The following CNTNAP2 variants were observed in gnomAD, a reference collection of about 807,000 sequenced individuals.
The protein encoded by CNTNAP2 is contactin-associated protein-like 2.
A neutral mutation model predicts 155.2 loss-of-function variants in CNTNAP2; 98 were observed. The ratio of observed to expected loss-of-function variants is 0.63; its 90% CI spans 0.54 to 0.75. The LOEUF is 0.75. Ranked by LOEUF, CNTNAP2 falls within the 30% of genes least tolerant of loss-of-function variation. The probability of loss-of-function intolerance (pLI) is 0.00; values close to 1 mark genes in which losing one functional copy is unlikely to be tolerated. For missense variants in CNTNAP2, 1,727 were observed against 1,688.1 expected, an observed-to-expected ratio of 1.02 and a Z score of -0.40; for synonymous variants, 651 against 631.2, an observed-to-expected ratio of 1.03 and a Z score of -0.47.
At chr7:147,339,359 A>T (rs955718548) in intron 9 of CNTNAP2, among the ~76,000 whole-genome samples, 1 of 152,110 alleles carries the variant, frequency 6.6e-6, no homozygotes, top group Non-Finnish European at 1.5e-5. Context: ...TTCCCATAAC[A>T]GTAGGTCATT....
At chr7:146,727,747 T>C (rs1801455806) in intron 1 of CNTNAP2, among the ~76,000 whole-genome samples, 1 of 152,176 alleles carries the variant, frequency 6.6e-6, no homozygotes, top group Non-Finnish European at 1.5e-5. Flanking sequence ...GAAGCGTATG[T>C]GTAATTGTTA....
At chr7:147,805,794 G>C (rs73166229) in intron 13 of CNTNAP2, among the ~76,000 whole-genome samples, 7,460 of 152,242 alleles carry the variant, frequency 0.049, 270 homozygotes, top group Non-Finnish European at 0.073. Flanking sequence ...CGGGATGACT[G>C]ATCTTTTTAA....
chr7:146,175,744 C>A (rs1402344295), intron 1 of CNTNAP2, among the ~76,000 whole-genome samples: 1 of 152,126 alleles, frequency 6.6e-6, no homozygotes, highest in African/African-American at 2.4e-5. Context: ...CATATGCACA[C>A]CCTTTAGTTC....
At chr7:147,537,218 T>G (rs1385553125) in intron 11 of CNTNAP2, among the ~76,000 whole-genome samples, 1 of 152,210 alleles carries the variant, frequency 6.6e-6, no homozygotes, top group African/African-American at 2.4e-5. Context: ...ACTTTCACAC[T>G]CTTTCCTAAT....
chr7:146,214,838 G>T (rs1481394581), intron 1 of CNTNAP2, among the ~76,000 whole-genome samples: 1 of 152,064 alleles, frequency 6.6e-6, no homozygotes, highest in Admixed American at 6.6e-5. Context: ...TAAGATAATT[G>T]ACTTATCTGC....
chr7:148,125,923 G>A (rs1337464505), intron 16 of CNTNAP2, among the ~76,000 whole-genome samples: 7 of 151,840 alleles, frequency 4.6e-5, no homozygotes, highest in East Asian at 1.9e-4. Flanking sequence ...GGCTGGTCTC[G>A]AACTCCTGAC....
chr7:147,738,856 T>C (rs1041019667), intron 13 of CNTNAP2, among the ~76,000 whole-genome samples: 2 of 152,080 alleles, frequency 1.3e-5, no homozygotes, highest in African/African-American at 4.8e-5. Flanking sequence ...GGTTTCGCCA[T>C]GATGGCCAGG....
chr7:146,617,020 T>TGTTTGTTG (rs374558648), intron 1 of CNTNAP2, among the ~76,000 whole-genome samples: 1 of 151,838 alleles, frequency 6.6e-6, no homozygotes, highest in African/African-American at 2.4e-5. Flanking sequence ...CTGGTTTTTT[T>TGTTTGTTG]GTTTGTTTGT....
At chr7:146,806,096 T>C (rs540863998) in intron 2 of CNTNAP2, among the ~76,000 whole-genome samples, 14 of 152,308 alleles carry the variant, frequency 9.2e-5, no homozygotes, top group Admixed American at 8.5e-4. Flanking sequence ...AAAGCTTTAA[T>C]GGTCATAGGT....
chr7:147,866,264 T>C (rs978634043), intron 13 of CNTNAP2, among the ~76,000 whole-genome samples: 1 of 138,402 alleles, frequency 7.2e-6, no homozygotes, highest in Non-Finnish European at 1.5e-5. Context: ...GAGTTCTAAA[T>C]TGATTGCACT....
At chr7:147,400,392 T>A (rs774061253) in intron 10 of CNTNAP2, among the ~76,000 whole-genome samples, 9 of 152,192 alleles carry the variant, frequency 5.9e-5, no homozygotes, top group Non-Finnish European at 1.3e-4. Context: ...TCAGAACTTG[T>A]GAATTGTTGT....
chr7:147,391,953 T>C (rs1168675683), intron 9 of CNTNAP2, among the ~76,000 whole-genome samples: 1 of 152,132 alleles, frequency 6.6e-6, no homozygotes, highest in Non-Finnish European at 1.5e-5. Flanking sequence ...TAGTTCTTCT[T>C]TAGCTTTTTC....
intron 1 of CNTNAP2, among the ~76,000 whole-genome samples, chr7:146,344,037 G>A (rs552754163): frequency 1.3e-5 from 2 of 152,174 alleles, no homozygotes; most frequent in East Asian, 3.9e-4. Context: ...AATGACTAAA[G>A]ATAAAAGAGG....
At chr7:146,786,710 G>A (rs1802580549) in intron 2 of CNTNAP2, among the ~76,000 whole-genome samples, 1 of 152,102 alleles carries the variant, frequency 6.6e-6, no homozygotes, top group Admixed American at 6.5e-5. Context: ...TCTTCCCCAG[G>A]TTTTCACCCA....
intron 21 of CNTNAP2, among the ~76,000 whole-genome samples, chr7:148,275,443 G>C (rs368280739): frequency 1.3e-5 from 2 of 152,278 alleles, no homozygotes; most frequent in East Asian, 3.9e-4. Context: ...AGGCCATAAG[G>C]GCGGGGGAGG....
chr7:146,449,278 A>G (rs1325511678), intron 1 of CNTNAP2, among the ~76,000 whole-genome samples: 1 of 152,098 alleles, frequency 6.6e-6, no homozygotes, highest in Non-Finnish European at 1.5e-5. Context: ...CTGCTTTAAA[A>G]TCCTTGTCAG....
At chr7:146,582,915 A>C (rs1798633334) in intron 1 of CNTNAP2, among the ~76,000 whole-genome samples, 1 of 148,638 alleles carries the variant, frequency 6.7e-6, no homozygotes, top group Non-Finnish European at 1.5e-5. Flanking sequence ...TATTAAGTAT[A>C]AATATTAAAT....
intron 11 of CNTNAP2, among the ~76,000 whole-genome samples, chr7:147,530,941 G>A (rs762575620): frequency 2.6e-5 from 4 of 152,120 alleles, no homozygotes; most frequent in Non-Finnish European, 4.4e-5. Context: ...CAAATACAGC[G>A]GTTCCAAAGG....
intron 9 of CNTNAP2, among the ~76,000 whole-genome samples, chr7:147,315,171 A>T (rs1035548511): frequency 6.7e-6 from 1 of 149,386 alleles, no homozygotes; most frequent in Non-Finnish European, 1.5e-5. Context: ...TTCAGTAGGT[A>T]TGAGGTTGGG....
Sources: gnomAD v4.1 joint callset for allele counts (sites outside exome capture counted in the v4.1 genomes callset) on GRCh38, gnomAD v4.1.1 for gene constraint, MANE v1.5 for transcripts, NCBI Gene and HGNC (gene_info 2026-07-23, HGNC 2026-07-21) for gene names.